Variants in GATA4 observed in about 807,000 individuals in gnomAD.
GATA4 encodes the protein transcription factor GATA-4.
In GATA4, 7 loss-of-function variants were observed where a neutral mutation model predicts 37.9. The ratio of observed to expected loss-of-function variants is 0.18; its 90% CI spans 0.11 to 0.35. The LOEUF (loss-of-function observed/expected upper bound fraction) is 0.35, where lower values mean the gene tolerates loss of function less well. GATA4 is among the 10% of genes least tolerant of loss of function. The probability of loss-of-function intolerance (pLI) is 1.00; values close to 1 mark genes in which losing one functional copy is unlikely to be tolerated. For missense variants in GATA4, 647 were observed against 653.0 expected, an observed-to-expected ratio of 0.99 and a Z score of 0.10; for synonymous variants, 372 against 292.6, an observed-to-expected ratio of 1.27 and a Z score of -2.77.
intron 4 of GATA4, 42 bp from the exon 5 acceptor site, chr8:11,755,004 G>T: frequency 6.7e-7 from 1 of 1,481,970 alleles, no homozygotes; most frequent in Non-Finnish European, 9.4e-7. Flanking sequence ...AGCAGACTAC[G>T]CAGAAATGGA....
At chr8:11,724,574 G>A (rs971925031) in intron 2 of GATA4, among the ~76,000 whole-genome samples, 11 of 152,212 alleles carry the variant, frequency 7.2e-5, no homozygotes, top group African/African-American at 2.7e-4. Context: ...CCCGCCCTGT[G>A]TTGCTTGCCT....
upstream of GATA4, among the ~76,000 whole-genome samples, chr8:11,691,351 C>T (rs901130297): frequency 6.6e-6 from 1 of 152,182 alleles, no homozygotes; most frequent in African/African-American, 2.4e-5. Context: ...CCCAGGCTGG[C>T]GTGCAGTGGT....
At chr8:11,710,482 C>A (rs1800128540) in intron 2 of GATA4, among the ~76,000 whole-genome samples, 1 of 149,682 alleles carries the variant, frequency 6.7e-6, no homozygotes, top group Non-Finnish European at 1.5e-5. Context: ...GAGATCGAGA[C>A]CATCCTGGCC....
At chr8:11,753,040 G>A (rs1316240638) in intron 4 of GATA4, among the ~76,000 whole-genome samples, 5 of 152,176 alleles carry the variant, frequency 3.3e-5, no homozygotes, top group Admixed American at 3.3e-4. Flanking sequence ...ACATGATCCA[G>A]CGTACCATTT....
intron 1 of GATA4, among the ~76,000 whole-genome samples, chr8:11,693,562 C>CACACAGAGAGAGAGAGAGAGAG (rs1405047773): frequency 2.8e-5 from 2 of 72,146 alleles, no homozygotes; most frequent in African/African-American, 1.0e-4. Context: ...CACACACACA[C>CACACAGAGAGAGAGAGAGAGAG]AGAGAGAGAG....
intron 1 of GATA4, among the ~76,000 whole-genome samples, chr8:11,698,918 C>G (rs1399329863): frequency 6.6e-6 from 1 of 152,202 alleles, no homozygotes; most frequent in African/African-American, 2.4e-5. Flanking sequence ...CTGGGCCCCT[C>G]CCTCCACTTC....
rs898087313 is a variant in GATA4 at position 11,740,158 on chromosome 8, C to T, written c.617-8758C>T. Among the ~76,000 whole-genome samples the T allele has an allele frequency of 7.9e-5, 12 of 152,304 alleles. No homozygotes were observed. In the South Asian group the frequency reaches 1.7e-3, roughly 21 times the overall value. ...GAGCTGCAGGACCCAGTGCCCAATG[C>T]GTTGTCCTGGCCTCTTTCCTGGCAT... is the stretch of plus-strand genomic sequence containing the variant. On this transcript the variant is annotated intron_variant, in intron 2 of 6. Transcript: ENST00000532059.
intron 5 of GATA4, among the ~76,000 whole-genome samples, chr8:11,755,998 A>C (rs1448048168): frequency 6.6e-6 from 1 of 150,736 alleles, no homozygotes; most frequent in African/African-American, 2.4e-5. Flanking sequence ...TATTTATTAA[A>C]TTTAAATTAG....
chr8:11,754,976 T>C, intron 4 of GATA4, 70 bp from the exon 5 acceptor site: 2 of 1,222,490 alleles, frequency 1.6e-6, no homozygotes, highest in Non-Finnish European at 1.2e-6. Context: ...GCAGCAGGTG[T>C]GTGTCTTTCA....
At chr8:11,728,932 G>C (rs886662496) in intron 2 of GATA4, among the ~76,000 whole-genome samples, 1 of 152,198 alleles carries the variant, frequency 6.6e-6, no homozygotes, top group African/African-American at 2.4e-5. Context: ...CTTTAGAATA[G>C]TTTAAAGACC....
intron 2 of GATA4, among the ~76,000 whole-genome samples, chr8:11,711,747 C>CAAA (rs71205018): frequency 1.1e-4 from 6 of 56,852 alleles, no homozygotes; most frequent in African/African-American, 2.1e-4. Flanking sequence ...GACCCTCTCT[C>CAAA]AAAAAAAAAA....
At chr8:11,757,687 G>A (rs1212972182) in intron 6 of GATA4, among the ~76,000 whole-genome samples, 2 of 152,220 alleles carry the variant, frequency 1.3e-5, no homozygotes, top group Non-Finnish European at 2.9e-5. Flanking sequence ...AGCTCTGCAC[G>A]TGTGTCAGGG....
At position 11,709,355 on chromosome 8, in the gene GATA4, G is replaced by T. The variant is rs973936778; in HGVS notation, c.616+427G>T. Among the ~76,000 whole-genome samples, 9 of 152,220 alleles carry T rather than the reference G, an allele frequency of 5.9e-5. No homozygotes were observed. The highest frequency in any genetic ancestry group is 2.2e-4 in the African/African-American group (9 of 41,470). On this transcript the variant is annotated intron_variant, in intron 2 of 6. Coordinates refer to ENST00000532059, the MANE Select transcript of GATA4 (RefSeq NM_001308093.3). The surrounding 1 kb of genome is among the most constrained non-coding windows in gnomAD (Gnocchi z 4.3). ...CCTCCCCGCCCGCCCTCGGGCCTCC[G>T]CAGGGAACTGATTACAATGGTTTGG...
Position 11,755,137 on chromosome 8 carries a change from A to G in GATA4, c.1000+4A>G. On this transcript the variant is annotated splice_donor_region_variant and intron_variant, in intron 5 of 6. Coordinates refer to ENST00000532059, the MANE Select transcript of GATA4 (RefSeq NM_001308093.3). ...AATAAATCTAAGACACCAGCAGGTG[A>G]GGAAAAGATCTGTGAGTGATTATAT... 1 of 1,608,594 alleles carries G rather than the reference A, an allele frequency of 6.2e-7. No individual in the cohort carries two copies. The highest frequency in any genetic ancestry group is 1.1e-5 in the South Asian group (1 of 90,922).
rs1801679492 is a variant in GATA4, at chr8:11,740,546, G to A, written c.617-8370G>A. Among the ~76,000 whole-genome samples the A allele has an allele frequency of 2.6e-5, 4 of 152,204 alleles. 1 individual carries two copies. Among genetic ancestry groups the A allele is most frequent in the African/African-American group, 4.8e-5 (2 of 41,456 alleles). On this transcript the variant is annotated intron_variant, in intron 2 of 6. Coordinates refer to ENST00000532059, the MANE Select transcript of GATA4 (RefSeq NM_001308093.3). ...AGGCCCCTCCACTCTGGGACTGATC[G>A]TAGCTTCCCACATGGAGGCCCCCAT...
chr8:11,740,310 G>T (rs1301200027), intron 2 of GATA4, among the ~76,000 whole-genome samples: 1 of 152,200 alleles, frequency 6.6e-6, no homozygotes, highest in Non-Finnish European at 1.5e-5. Context: ...GTCTGCAGAG[G>T]GTGGCCACAC....
At chr8:11,739,894 T>C (rs73205120) in intron 2 of GATA4, among the ~76,000 whole-genome samples, 8,473 of 152,224 alleles carry the variant, frequency 0.056, 306 homozygotes, top group South Asian at 0.12. Flanking sequence ...GCTTGCAGGT[T>C]TTAAGACTGT....
At chr8:11,744,515 G>A (rs1457258471) in intron 2 of GATA4, among the ~76,000 whole-genome samples, 1 of 152,214 alleles carries the variant, frequency 6.6e-6, no homozygotes, top group Non-Finnish European at 1.5e-5. Context: ...TCCTCTCAGT[G>A]CCTTTCGTAG....
chr8:11,689,240 T>G (rs1199098514), upstream of GATA4, among the ~76,000 whole-genome samples: 2 of 152,188 alleles, frequency 1.3e-5, no homozygotes, highest in Admixed American at 1.3e-4. Context: ...CATTTTCCAG[T>G]GTAAAAAGAA....
Sources: allele counts gnomAD v4.1 joint callset (sites outside exome capture counted in the v4.1 genomes callset), GRCh38; gene constraint gnomAD v4.1.1; non-coding constraint Gnocchi (gnomAD v3.1); transcripts MANE v1.5; gene names NCBI Gene and HGNC (gene_info 2026-07-23, HGNC 2026-07-21).